The following SPECC1 variants were observed in gnomAD, a reference collection of about 807,000 sequenced individuals.
The protein encoded by SPECC1 is sperm antigen with calponin homology and coiled-coil domains 1, also known as cytospin-B.
In SPECC1, 62 loss-of-function variants were observed where a neutral mutation model predicts 104.1. The ratio of observed to expected loss-of-function variants is 0.60; its 90% CI spans 0.49 to 0.74. The LOEUF is 0.74. Ranked by LOEUF, SPECC1 falls within the 30% of genes least tolerant of loss-of-function variation. The pLI, the probability that SPECC1 is intolerant of heterozygous loss-of-function variation, is 0.00. For missense variants in SPECC1, 1,306 were observed against 1,310.5 expected, an observed-to-expected ratio of 1.00 and a Z score of 0.05; for synonymous variants, 513 against 501.6, an observed-to-expected ratio of 1.02 and a Z score of -0.30.
chr17:20,182,888 T>C (rs1220233235), intron 3 of SPECC1, among the ~76,000 whole-genome samples: 4 of 152,070 alleles, frequency 2.6e-5, no homozygotes, highest in African/African-American at 7.2e-5. Context: ...GCAAAAGACG[T>C]TGGAAGTGTT....
chr17:20,035,290 T>C (rs1220737409), intron 1 of SPECC1, among the ~76,000 whole-genome samples: 3 of 152,240 alleles, frequency 2.0e-5, no homozygotes, highest in Middle Eastern at 3.2e-3. Flanking sequence ...TCCGTATACA[T>C]TTTTGTATGA....
At chr17:20,041,814 A>T (rs1408702429) in intron 1 of SPECC1, among the ~76,000 whole-genome samples, 1 of 149,958 alleles carries the variant, frequency 6.7e-6, no homozygotes, top group African/African-American at 2.5e-5. Context: ...TTTAGTAGAG[A>T]CGGGGTTTCA....
At chr17:20,140,597 T>C (rs1250892027) in intron 3 of SPECC1, among the ~76,000 whole-genome samples, 2 of 152,218 alleles carry the variant, frequency 1.3e-5, no homozygotes, top group African/African-American at 4.8e-5. Flanking sequence ...ACAAATATGC[T>C]TGACTCTTAC....
At chr17:20,232,099 G>A in intron 6 of SPECC1, 101 bp from the exon 7 acceptor site, 1 of 1,380,684 alleles carries the variant, frequency 7.2e-7, no homozygotes, top group Non-Finnish European at 1.0e-6. Context: ...AAGCACTGAT[G>A]GCATTTTTTT....
At chr17:20,263,192 G>A (rs969729563) in intron 12 of SPECC1, among the ~76,000 whole-genome samples, 7 of 149,350 alleles carry the variant, frequency 4.7e-5, no homozygotes, top group Admixed American at 1.3e-4. Flanking sequence ...CCGAGGACAC[G>A]GGAAAGAATA....
At chr17:20,133,743 G>C (rs992267735) in intron 3 of SPECC1, among the ~76,000 whole-genome samples, 5 of 152,180 alleles carry the variant, frequency 3.3e-5, no homozygotes, top group African/African-American at 1.2e-4. Context: ...CAAAGTGTAA[G>C]AATGTATTGT....
chr17:20,093,641 AC>A (rs1470472326), intron 1 of SPECC1, among the ~76,000 whole-genome samples: 1 of 151,896 alleles, frequency 6.6e-6, no homozygotes, highest in East Asian at 1.9e-4. Flanking sequence ...CTAGGGGTGC[AC>A]CTGCTCCCCT....
Position 20,240,060 on chromosome 17 carries a change from A to ATTTTTTT in SPECC1, c.2352-5840_2352-5834dup, listed in dbSNP as rs748689632. Among the ~76,000 whole-genome samples the ATTTTTTT allele has an allele frequency of 6.5e-4, 21 of 32,200 alleles. 2 individuals carry two copies. Among genetic ancestry groups the ATTTTTTT allele is most frequent in the African/African-American group, 9.0e-4 (6 of 6,700 alleles). The allele number at this position is 32,200 out of a possible 152,430, so 21.1% of individuals were successfully genotyped here. ...AGGGGCACACCACCATGTCCAGCTAATTTTTTTTTTTTTTTTTTTTTTTTT... is the reference window on the plus strand; with the variant it reads ...AGGGGCACACCACCATGTCCAGCTAATTTTTTTTTTTTTTTTTTTTTTTTTTTTTTTT... On this transcript the variant is annotated intron_variant, in intron 7 of 14. Transcript: ENST00000395527.
chr17:20,110,713 G>A (rs1032962613), intron 3 of SPECC1, 151 bp downstream of exon 3: 11 of 934,822 alleles, frequency 1.2e-5, no homozygotes, highest in African/African-American at 6.7e-5. Context: ...AGACGATGTC[G>A]CTGCCCACAG....
intron 10 of SPECC1, among the ~76,000 whole-genome samples, chr17:20,254,576 A>G (rs938919978): frequency 1.6e-4 from 25 of 152,186 alleles, no homozygotes; most frequent in African/African-American, 5.8e-4. Flanking sequence ...TAAAGGGACA[A>G]CAGTGCTCAA....
At chr17:20,186,923 C>A in intron 3 of SPECC1, among the ~76,000 whole-genome samples, 1 of 152,090 alleles carries the variant, frequency 6.6e-6, no homozygotes, top group Non-Finnish European at 1.5e-5. Flanking sequence ...GTCCTGAAGT[C>A]TTTTGGGTTG....
chr17:20,229,484 G>A (rs1169157945), intron 5 of SPECC1, among the ~76,000 whole-genome samples: 1 of 152,148 alleles, frequency 6.6e-6, no homozygotes, highest in Non-Finnish European at 1.5e-5. Context: ...GGGCAACATA[G>A]TGAGACCCTG....
chr17:20,095,151 T>C (rs910967141), intron 1 of SPECC1, among the ~76,000 whole-genome samples: 3 of 152,214 alleles, frequency 2.0e-5, no homozygotes, highest in Non-Finnish European at 4.4e-5. Flanking sequence ...CTTTCATTGT[T>C]GCTGTGGAAA....
At chr17:20,123,632 G>C (rs1353697189) in intron 3 of SPECC1, among the ~76,000 whole-genome samples, 1 of 152,214 alleles carries the variant, frequency 6.6e-6, no homozygotes, top group Non-Finnish European at 1.5e-5. Context: ...GAAAGCTCCA[G>C]GATAGGTAGT....
chr17:20,026,409 A>G (rs2044602024), intron 1 of SPECC1, among the ~76,000 whole-genome samples: 1 of 152,186 alleles, frequency 6.6e-6, no homozygotes, highest in African/African-American at 2.4e-5. Flanking sequence ...AGTTCTATAG[A>G]ACACTAAAAC....
At chr17:20,219,253 A>T (rs1226458350) in intron 4 of SPECC1, among the ~76,000 whole-genome samples, 1 of 152,126 alleles carries the variant, frequency 6.6e-6, no homozygotes, top group Non-Finnish European at 1.5e-5. Context: ...GGCTGTACTA[A>T]TTTACTTTCC....
Position 20,049,399 on chromosome 17 carries a change from G to A in SPECC1, c.-22+39975G>A, listed in dbSNP as rs534934914. On this transcript the variant is annotated intron_variant, in intron 1 of 14. Transcript: ENST00000395527. ...GTTTGAGCCTAACCTGGGCAACATCGTGAGACCCTGTCTCTCAAAAAATAA... is the reference window on the plus strand; with the variant it reads ...GTTTGAGCCTAACCTGGGCAACATCATGAGACCCTGTCTCTCAAAAAATAA... Among the ~76,000 whole-genome samples, 7 of 152,236 alleles carry A rather than the reference G, an allele frequency of 4.6e-5. No individual in the cohort carries two copies. In the East Asian group the frequency reaches 7.7e-4, roughly 17 times the overall value.
intron 1 of SPECC1, among the ~76,000 whole-genome samples, chr17:20,040,037 T>C (rs1005949024): frequency 1.6e-4 from 24 of 152,158 alleles, no homozygotes; most frequent in African/African-American, 5.3e-4. Flanking sequence ...TTTTGTCTTG[T>C]CTTCCTGTAG....
At chr17:20,108,945 G>A (rs970684175) in intron 2 of SPECC1, among the ~76,000 whole-genome samples, 3 of 152,134 alleles carry the variant, frequency 2.0e-5, no homozygotes, top group Admixed American at 2.0e-4. Flanking sequence ...CAAGAGCAGA[G>A]GGTGTTGCTT....
Sources: allele counts gnomAD v4.1 joint callset (sites outside exome capture counted in the v4.1 genomes callset), GRCh38; gene constraint gnomAD v4.1.1; transcripts MANE v1.5; gene names NCBI Gene and HGNC (gene_info 2026-07-23, HGNC 2026-07-21).